GALNT13: variants seen among roughly 807,000 people sequenced by gnomAD.
GALNT13 encodes the protein UDP-GalNAc:polypeptide N-acetylgalactosaminyltransferase 13.
Under a neutral mutation model 64.2 loss-of-function variants are expected in GALNT13, and 28 were observed. The observed-to-expected ratio is 0.44, with a 90% CI of 0.32 to 0.60. The LOEUF is 0.60. GALNT13 is among the 20% of genes least tolerant of loss of function. The pLI, the probability that GALNT13 is intolerant of heterozygous loss-of-function variation, is 0.05. For synonymous variants in GALNT13, 214 were observed against 224.6 expected, an observed-to-expected ratio of 0.95 and a Z score of 0.42; for missense variants, 577 against 669.8, an observed-to-expected ratio of 0.86 and a Z score of 1.53.
the GALNT13 span, among the ~76,000 whole-genome samples, chr2:153,655,538 G>T: frequency 2.0e-5 from 3 of 152,068 alleles, no homozygotes; most frequent in African/African-American, 7.2e-5. Flanking sequence ...CATGAGAATC[G>T]TGGATAGCTA....
chr2:153,430,527 G>GGAGA, the GALNT13 span, among the ~76,000 whole-genome samples: 5,236 of 140,844 alleles, frequency 0.037, 103 homozygotes, highest in Middle Eastern at 0.068. Flanking sequence ...AGGTAGGTAG[G>GGAGA]GAGAGAGAGA....
At chr2:153,264,911 CCTGCACATT>C in the GALNT13 span, among the ~76,000 whole-genome samples, 1 of 152,172 alleles carries the variant, frequency 6.6e-6, no homozygotes, top group Non-Finnish European at 1.5e-5. Flanking sequence ...ATGTAACAAA[CCTGCACATT>C]CTGCACATAT....
At chr2:153,992,079 T>C (rs990723331) in intron 3 of GALNT13, among the ~76,000 whole-genome samples, 2 of 152,196 alleles carry the variant, frequency 1.3e-5, no homozygotes, top group African/African-American at 4.8e-5. Context: ...AGGGAAATAA[T>C]AATATCTGAT....
the GALNT13 span, among the ~76,000 whole-genome samples, chr2:153,709,492 G>A: frequency 2.0e-5 from 3 of 152,008 alleles, no homozygotes; most frequent in Admixed American, 1.3e-4. Flanking sequence ...AAGTGATAGC[G>A]AGTGTTGGTC....
intron 9 of GALNT13, among the ~76,000 whole-genome samples, chr2:154,350,116 G>A (rs1181180889): frequency 1.3e-5 from 2 of 152,198 alleles, no homozygotes; most frequent in Non-Finnish European, 2.9e-5. Flanking sequence ...ATTCATTTGT[G>A]CATTCAACAA....
intron 9 of GALNT13, among the ~76,000 whole-genome samples, chr2:154,339,024 G>C (rs1695609313): frequency 6.6e-6 from 1 of 152,114 alleles, no homozygotes; most frequent in Admixed American, 6.6e-5. Flanking sequence ...AAAGAAATTA[G>C]ACCAAAGACA....
At chr2:153,410,264 G>C in the GALNT13 span, among the ~76,000 whole-genome samples, 1 of 151,620 alleles carries the variant, frequency 6.6e-6, no homozygotes, top group Non-Finnish European at 1.5e-5. Flanking sequence ...TTTTAGGGGG[G>C]GTGGGGTAGG....
At chr2:154,308,170 A>T (rs1559081983) in intron 9 of GALNT13, among the ~76,000 whole-genome samples, 1 of 151,944 alleles carries the variant, frequency 6.6e-6, no homozygotes, top group Admixed American at 6.6e-5. Context: ...AAAATACATT[A>T]TTTTTTCTTT....
chr2:154,113,172 T>C (rs1238102301), intron 3 of GALNT13, among the ~76,000 whole-genome samples: 1 of 152,182 alleles, frequency 6.6e-6, no homozygotes, highest in Non-Finnish European at 1.5e-5. Context: ...CTGCAGAAGA[T>C]GGCATGGCCT....
chr2:153,514,743 C>G, the GALNT13 span, among the ~76,000 whole-genome samples: 14 of 152,162 alleles, frequency 9.2e-5, no homozygotes, highest in African/African-American at 3.4e-4. Flanking sequence ...AAGGGACACT[C>G]AGATGCTTGT....
At chr2:153,417,906 G>A in the GALNT13 span, among the ~76,000 whole-genome samples, 3 of 152,110 alleles carry the variant, frequency 2.0e-5, no homozygotes, top group South Asian at 6.2e-4. Flanking sequence ...CAGTTAACAC[G>A]AGGAATAAGC....
intron 3 of GALNT13, among the ~76,000 whole-genome samples, chr2:153,963,731 C>CTGTGTGTGTG (rs58455059): frequency 4.0e-5 from 4 of 100,852 alleles, no homozygotes; most frequent in African/African-American, 1.1e-4. Context: ...CTCTCTCTCT[C>CTGTGTGTGTG]TGTGTGTGTG....
chr2:153,211,661 C>T, the GALNT13 span, among the ~76,000 whole-genome samples: 1 of 152,122 alleles, frequency 6.6e-6, no homozygotes, highest in East Asian at 1.9e-4. Context: ...TAAGAATCAG[C>T]AGTATCAACA....
At chr2:153,869,027 A>T (rs1440240268), upstream of GALNT13, among the ~76,000 whole-genome samples, 1 of 152,230 alleles carries the variant, frequency 6.6e-6, no homozygotes, top group Non-Finnish European at 1.5e-5. Flanking sequence ...ACAAAGAATT[A>T]ACACATACCC....
chr2:153,156,599 T>C, the GALNT13 span, among the ~76,000 whole-genome samples: 1 of 152,198 alleles, frequency 6.6e-6, no homozygotes, highest in Non-Finnish European at 1.5e-5. Context: ...ATATATGTCA[T>C]GTTTTCTTTC....
At chr2:153,862,989 GA>G in the GALNT13 span, among the ~76,000 whole-genome samples, 3 of 152,046 alleles carry the variant, frequency 2.0e-5, no homozygotes, top group Non-Finnish European at 4.4e-5. Context: ...TTAATGTTGA[GA>G]AAATTGCCTC....
At chr2:154,129,813 G>T (rs1387578654) in intron 3 of GALNT13, among the ~76,000 whole-genome samples, 1 of 152,062 alleles carries the variant, frequency 6.6e-6, no homozygotes, top group East Asian at 1.9e-4. Context: ...CCTGTTGCGA[G>T]AGGACTGTTA....
chr2:153,990,996 C>G (rs533101691), intron 3 of GALNT13, among the ~76,000 whole-genome samples: 2 of 152,270 alleles, frequency 1.3e-5, no homozygotes, highest in South Asian at 4.1e-4. Flanking sequence ...TGATGAAACT[C>G]TCATGCAGTA....
chr2:153,557,659 A>C, the GALNT13 span, among the ~76,000 whole-genome samples: 3 of 152,214 alleles, frequency 2.0e-5, no homozygotes, highest in African/African-American at 7.2e-5. Context: ...TTCTAAAGAC[A>C]TAAATCATGT....
Sources: gnomAD v4.1 joint callset for allele counts (sites outside exome capture counted in the v4.1 genomes callset) on GRCh38, gnomAD v4.1.1 for gene constraint, MANE v1.5 for transcripts, NCBI Gene and HGNC (gene_info 2026-07-23, HGNC 2026-07-21) for gene names.